Variants in RAPGEF4 observed in about 807,000 individuals in gnomAD.
RAPGEF4 encodes RAP guanine-nucleotide-exchange factor (GEF) 4.
Under a neutral mutation model 147.9 loss-of-function variants are expected in RAPGEF4, and 66 were observed. The ratio of observed to expected loss-of-function variants is 0.45; its 90% CI spans 0.37 to 0.55. RAPGEF4 has a LOEUF of 0.55. Among genes scored for constraint, RAPGEF4 ranks in the 20% least tolerant of loss-of-function variants. The pLI is 0.00. For synonymous variants in RAPGEF4, 419 were observed against 442.7 expected (o/e 0.95, Z 0.67); for missense variants, 1,071 against 1,257.3 (o/e 0.85, Z 2.24).
intron 4 of RAPGEF4, among the ~76,000 whole-genome samples, chr2:172,861,197 T>A (rs1054467710): frequency 1.3e-5 from 2 of 152,152 alleles, no homozygotes; most frequent in African/African-American, 4.8e-5. Flanking sequence ...ATTGCTTAAA[T>A]AATGCATGGG....
At chr2:172,972,775 A>G (rs1190558734) in intron 10 of RAPGEF4, among the ~76,000 whole-genome samples, 1 of 152,174 alleles carries the variant, frequency 6.6e-6, no homozygotes, top group African/African-American at 2.4e-5. Flanking sequence ...TTATTATAAG[A>G]TTGCCTCAAG....
At chr2:173,007,425 G>A (rs747883213) in intron 17 of RAPGEF4, among the ~76,000 whole-genome samples, 9 of 152,178 alleles carry the variant, frequency 5.9e-5, no homozygotes, top group Non-Finnish European at 1.3e-4. Flanking sequence ...GTGTGGATAG[G>A]AGTAACATCA....
At chr2:173,000,258 A>G (rs1693767478) in intron 16 of RAPGEF4, among the ~76,000 whole-genome samples, 1 of 152,226 alleles carries the variant, frequency 6.6e-6, no homozygotes, top group Non-Finnish European at 1.5e-5. Flanking sequence ...TATAATGGTT[A>G]AACCTTTAGT....
intron 2 of RAPGEF4, 127 bp from the exon 3 acceptor site, chr2:172,797,398 A>G (rs1285101336): frequency 3.1e-6 from 2 of 643,100 alleles, no homozygotes. Flanking sequence ...CCTGTGGGCA[A>G]CAGATAGGGG....
intron 4 of RAPGEF4, among the ~76,000 whole-genome samples, chr2:172,899,908 A>G (rs1459703388): frequency 6.6e-6 from 1 of 152,186 alleles, no homozygotes; most frequent in East Asian, 1.9e-4. Flanking sequence ...TTATCAAGGA[A>G]AAAGGCCAAG....
At chr2:172,740,986 C>G (rs1207349577) in intron 1 of RAPGEF4, among the ~76,000 whole-genome samples, 1 of 152,198 alleles carries the variant, frequency 6.6e-6, no homozygotes, top group Admixed American at 6.5e-5. Context: ...CAATTATTCT[C>G]AGAAGTCCGT....
rs377147716 is a variant in RAPGEF4 at position 172,780,700 on chromosome 2, T to C, written c.66-14325T>C. On this transcript the variant is annotated intron_variant, in intron 1 of 30. Coordinates refer to ENST00000397081, the MANE Select transcript of RAPGEF4 (RefSeq NM_007023.4). ...TGATAGCGCTATCTCATTTTTTCTTTGCATACCATTTCATTGTGTGGTACC... is the reference window on the plus strand; with the variant it reads ...TGATAGCGCTATCTCATTTTTTCTTCGCATACCATTTCATTGTGTGGTACC... Among the ~76,000 whole-genome samples the C allele has an allele frequency of 5.9e-5, 9 of 152,318 alleles. 1 individual carries two copies. The South Asian group carries it at 6.2e-4, about 11-fold the overall frequency.
At position 173,033,901 on chromosome 2, in the gene RAPGEF4, A is replaced by T; in HGVS notation, c.2650-13A>T. ...TCTGACATATGCGTGTGGCATTTTC[A>T]TTTCATTAACAGAAACTGCCAAGCA... On this transcript the variant is annotated splice_polypyrimidine_tract_variant and intron_variant, in intron 26 of 30. Coordinates refer to ENST00000397081, the MANE Select transcript of RAPGEF4 (RefSeq NM_007023.4). The T allele has an allele frequency of 6.2e-7, 1 of 1,611,150 alleles. No individual in the cohort carries two copies. The highest frequency in any genetic ancestry group is 8.5e-7 in the Non-Finnish European group (1 of 1,178,998).
At chr2:172,746,155 A>G (rs535753214) in intron 1 of RAPGEF4, among the ~76,000 whole-genome samples, 29 of 152,206 alleles carry the variant, frequency 1.9e-4, no homozygotes, top group Non-Finnish European at 2.4e-4. Context: ...GAATCATTCT[A>G]TTCTGTGTTG....
intron 6 of RAPGEF4, among the ~76,000 whole-genome samples, chr2:172,924,388 A>G (rs1486424739): frequency 6.6e-6 from 1 of 152,248 alleles, no homozygotes; most frequent in Non-Finnish European, 1.5e-5. Flanking sequence ...TGAGCTCGTC[A>G]GATACAATGA....
At chr2:172,887,782 C>G (rs897920440) in intron 4 of RAPGEF4, among the ~76,000 whole-genome samples, 1 of 152,104 alleles carries the variant, frequency 6.6e-6, no homozygotes, top group African/African-American at 2.4e-5. Flanking sequence ...TTCGCACATA[C>G]TGTTCCCTCT....
intron 17 of RAPGEF4, among the ~76,000 whole-genome samples, chr2:173,006,719 C>A (rs1241124763): frequency 3.3e-5 from 5 of 152,154 alleles, no homozygotes; most frequent in Non-Finnish European, 7.4e-5. Flanking sequence ...TCAAAATCTG[C>A]TTTTCTTTTT....
intron 4 of RAPGEF4, among the ~76,000 whole-genome samples, chr2:172,912,944 G>A (rs1291146859): frequency 1.4e-5 from 2 of 146,288 alleles, no homozygotes; most frequent in African/African-American, 2.5e-5. Flanking sequence ...CGCCCAGGAT[G>A]GAGTGCAGTG....
intron 4 of RAPGEF4, among the ~76,000 whole-genome samples, chr2:172,869,178 T>C (rs1464330764): frequency 1.3e-5 from 2 of 152,190 alleles, no homozygotes; most frequent in Admixed American, 6.5e-5. Flanking sequence ...TAACCCTTAC[T>C]TCATGGAGTT....
intron 4 of RAPGEF4, among the ~76,000 whole-genome samples, chr2:172,895,670 T>C (rs574557006): frequency 1.4e-4 from 22 of 152,302 alleles, no homozygotes; most frequent in African/African-American, 5.3e-4. Context: ...TTGACATAAT[T>C]TGTCCCAAAA....
At chr2:172,943,913 T>C (rs1429354791) in intron 6 of RAPGEF4, among the ~76,000 whole-genome samples, 3 of 152,176 alleles carry the variant, frequency 2.0e-5, no homozygotes, top group Non-Finnish European at 4.4e-5. Context: ...TAATGATAAT[T>C]AGGGAGAAAT....
chr2:172,880,421 T>C (rs1044072886), intron 4 of RAPGEF4, among the ~76,000 whole-genome samples: 2 of 152,234 alleles, frequency 1.3e-5, no homozygotes, highest in Non-Finnish European at 2.9e-5. Flanking sequence ...TCTTCTTCTT[T>C]ACTCTGTCTT....
chr2:172,739,503 C>A (rs564482738), intron 1 of RAPGEF4, among the ~76,000 whole-genome samples: 8 of 152,154 alleles, frequency 5.3e-5, no homozygotes, highest in Admixed American at 5.2e-4. Context: ...TCCCGAGTAG[C>A]TGGGATTACA....
At chr2:173,028,501 C>G (rs1019956443) in intron 25 of RAPGEF4, among the ~76,000 whole-genome samples, 4 of 152,186 alleles carry the variant, frequency 2.6e-5, no homozygotes, top group African/African-American at 9.7e-5. Flanking sequence ...GGGCCTGATC[C>G]TGTTATTTTA....
Sources: allele counts gnomAD v4.1 joint callset (sites outside exome capture counted in the v4.1 genomes callset), GRCh38; gene constraint gnomAD v4.1.1; transcripts MANE v1.5; gene names NCBI Gene and HGNC (gene_info 2026-07-23, HGNC 2026-07-21).